AKR1D1: variants seen among roughly 807,000 people sequenced by gnomAD.
AKR1D1 encodes delta(4)-3-ketosteroid 5-beta-reductase.
A neutral mutation model predicts 42.6 loss-of-function variants in AKR1D1; 32 were observed. That is an observed-to-expected ratio of 0.75 (90% CI 0.57 to 1.01). The LOEUF (loss-of-function observed/expected upper bound fraction) is 1.01, where lower values mean the gene tolerates loss of function less well. AKR1D1 is among the 50% of genes least tolerant of loss of function. AKR1D1 has a pLI of 0.00. For synonymous variants in AKR1D1, 123 were observed against 135.5 expected, an observed-to-expected ratio of 0.91 and a Z score of 0.64; for missense variants, 364 against 402.2, an observed-to-expected ratio of 0.91 and a Z score of 0.81.
intron 8 of AKR1D1, among the ~76,000 whole-genome samples, chr7:138,114,264 A>T (rs1794590444): frequency 1.3e-5 from 2 of 152,212 alleles, no homozygotes; most frequent in Admixed American, 1.3e-4. Flanking sequence ...AGCTCTACCT[A>T]TTAGCTGACT....
At chr7:138,100,810 T>C (rs975155355) in intron 4 of AKR1D1, among the ~76,000 whole-genome samples, 11 of 139,618 alleles carry the variant, frequency 7.9e-5, no homozygotes, top group African/African-American at 2.4e-4. Flanking sequence ...GTTCACGCCA[T>C]TCTCTTGCCT....
At chr7:138,115,305 G>T (rs1264034177) in intron 8 of AKR1D1, among the ~76,000 whole-genome samples, 1 of 152,064 alleles carries the variant, frequency 6.6e-6, no homozygotes, top group Non-Finnish European at 1.5e-5. Context: ...AAGCCATCAT[G>T]GTGGCATGCA....
chr7:138,111,540 AAG>A (rs1237658898), intron 7 of AKR1D1, among the ~76,000 whole-genome samples: 1 of 152,210 alleles, frequency 6.6e-6, no homozygotes, highest in Non-Finnish European at 1.5e-5. Context: ...CATTTACTGA[AAG>A]GGAAAACTGT....
At position 138,091,671 on chromosome 7, in the gene AKR1D1, A is replaced by AT. The variant is rs1299793638; in HGVS notation, c.262-97_262-96insT. The AT allele has an allele frequency of 3.9e-6, 4 of 1,015,314 alleles. No homozygotes were observed. The East Asian group carries it at 9.6e-5, about 24-fold the overall frequency. The allele number at this position is 1,015,314 out of a possible 1,614,324, so 62.9% of individuals were successfully genotyped here. On this transcript the variant is annotated intron_variant, in intron 2 of 8. Coordinates refer to ENST00000242375, the MANE Select transcript of AKR1D1 (RefSeq NM_005989.4). ...ATAGTGAGACCCCCCATCTCAAAAA[A>AT]AAAAAATGTGTACGAGTGTTTTACA...
Position 138,076,611 on chromosome 7 carries a change from G to C in AKR1D1, c.93G>C (p.Ser31=). The C allele has an allele frequency of 6.2e-7, 1 of 1,608,660 alleles. No homozygotes were observed. Among genetic ancestry groups the C allele is most frequent in the South Asian group, 1.1e-5 (1 of 90,930 alleles). ...IGLGTYSEPK[S]TPKGACATSV... ...TTGGTACCTACTCAGAACCTAAATC[G>C]GTAAGCTTATTTTTTCTCTCTTTGC... is the stretch of plus-strand genomic sequence containing the variant. The change falls in exon 1 of 9, where the codon TCG becomes TCC. Residue 31 remains serine (S), a splice_region_variant and synonymous_variant. Coordinates refer to ENST00000242375, the MANE Select transcript of AKR1D1 (RefSeq NM_005989.4).
rs201988060 is a variant in AKR1D1, at chr7:138,088,769, G to T, written c.261+1G>T. 117 of 1,591,008 alleles carry T rather than the reference G, an allele frequency of 7.4e-5. No homozygotes were observed. Among genetic ancestry groups the T allele is most frequent in the Non-Finnish European group, 9.4e-5 (110 of 1,167,794 alleles). On this transcript the variant is annotated splice_donor_variant, in intron 2 of 8. Coordinates refer to ENST00000242375, the MANE Select transcript of AKR1D1 (RefSeq NM_005989.4). LOFTEE classifies it high-confidence loss of function. ...GGAAGATATCTTCTACTGTGGAAAG[G>T]TGAGATCTTGCCTTCAGCCTCCACT... is the stretch of plus-strand genomic sequence containing the variant.
At chr7:138,106,492 A>G (rs1794435557) in intron 5 of AKR1D1, 116 bp from the exon 6 acceptor site, 4 of 770,952 alleles carry the variant, frequency 5.2e-6, no homozygotes, top group Non-Finnish European at 9.2e-6. Context: ...TGTATATAGT[A>G]TGAAGGAGAT....
intron 6 of AKR1D1, 56 bp downstream of exon 6, chr7:138,106,773 A>G (rs1794443455): frequency 3.0e-6 from 4 of 1,339,382 alleles, no homozygotes; most frequent in Non-Finnish European, 4.3e-6. Context: ...GCTCATGTGA[A>G]CTACTGTATT....
intron 1 of AKR1D1, among the ~76,000 whole-genome samples, chr7:138,086,331 T>C (rs1379499782): frequency 1.3e-5 from 2 of 152,250 alleles, no homozygotes; most frequent in African/African-American, 4.8e-5. Flanking sequence ...TTGTCATTCA[T>C]AACATCTCAT....
At chr7:138,077,186 A>G (rs1315076274) in intron 1 of AKR1D1, among the ~76,000 whole-genome samples, 3 of 152,208 alleles carry the variant, frequency 2.0e-5, no homozygotes, top group Admixed American at 1.3e-4. Context: ...TCATGCTGCT[A>G]TTAAAGACAT....
chr7:138,113,040 C>T (rs562170098), intron 7 of AKR1D1, among the ~76,000 whole-genome samples: 4 of 152,026 alleles, frequency 2.6e-5, no homozygotes, highest in Non-Finnish European at 5.9e-5. Context: ...TTAGGCCAGG[C>T]GTGGTGAGGC....
chr7:138,088,804 GAGA>G (rs1343625566), intron 2 of AKR1D1, 36 bp downstream of exon 2: 11 of 1,562,044 alleles, frequency 7.0e-6, no homozygotes, highest in East Asian at 4.7e-5. Context: ...TGGGGACAGT[GAGA>G]AGGTTTCAGT....
intron 3 of AKR1D1, among the ~76,000 whole-genome samples, chr7:138,096,086 T>A (rs565684312): frequency 6.6e-6 from 1 of 151,928 alleles, no homozygotes; most frequent in East Asian, 1.9e-4. Context: ...ACACCTGTAG[T>A]CCCAGCTGCT....
chr7:138,078,637 T>C (rs1313553747), intron 1 of AKR1D1, among the ~76,000 whole-genome samples: 1 of 152,244 alleles, frequency 6.6e-6, no homozygotes, highest in Non-Finnish European at 1.5e-5. Flanking sequence ...TCTCTATTGT[T>C]TGTTATCTCT....
chr7:138,087,893 C>CT (rs757196207), intron 1 of AKR1D1, among the ~76,000 whole-genome samples: 3,980 of 137,616 alleles, frequency 0.029, 186 homozygotes, highest in African/African-American at 0.096. Flanking sequence ...CATTTCTTTT[C>CT]TTTTTTTTTT....
rs994795304 is a variant in AKR1D1, at chr7:138,087,378, C to T, written c.94-1223C>T. The stretch of plus-strand genomic sequence containing the variant: ...TTGGAGGGGACAAAAATAATCAAAC[C>T]ATAGCAAATGAAAAATCAGTGTTCA... On this transcript the variant is annotated intron_variant, in intron 1 of 8. Coordinates refer to ENST00000242375, the MANE Select transcript of AKR1D1 (RefSeq NM_005989.4). Among the ~76,000 whole-genome samples, 4 of 152,120 alleles carry T rather than the reference C, an allele frequency of 2.6e-5. No individual in the cohort carries two copies. The East Asian group carries it at 5.8e-4, about 22-fold the overall frequency.
intron 2 of AKR1D1, among the ~76,000 whole-genome samples, chr7:138,090,386 C>T (rs1231662838): frequency 6.6e-6 from 1 of 152,022 alleles, no homozygotes; most frequent in African/African-American, 2.4e-5. Context: ...CCTGTAATCC[C>T]AGCACTTTGG....
chr7:138,089,917 T>C (rs1694403097), intron 2 of AKR1D1, among the ~76,000 whole-genome samples: 1 of 152,192 alleles, frequency 6.6e-6, no homozygotes, highest in Non-Finnish European at 1.5e-5. Context: ...GATCTGTCAC[T>C]ATTGGCTGAG....
intron 1 of AKR1D1, among the ~76,000 whole-genome samples, chr7:138,084,666 G>T (rs369094659): frequency 3.3e-5 from 5 of 152,050 alleles, no homozygotes; most frequent in Non-Finnish European, 7.4e-5. Context: ...TATCATTTAT[G>T]TGGTATCCTA....
Sources: allele counts gnomAD v4.1 joint callset (sites outside exome capture counted in the v4.1 genomes callset), GRCh38; gene constraint gnomAD v4.1.1; transcripts MANE v1.5; gene names NCBI Gene and HGNC (gene_info 2026-07-23, HGNC 2026-07-21).